The following KLHL23 variants were observed in gnomAD, a reference collection of about 807,000 sequenced individuals.
KLHL23 encodes the protein kelch-like protein 23.
KLHL23 carries 33 observed loss-of-function variants against 48.9 expected under a neutral mutation model. The ratio of observed to expected loss-of-function variants is 0.67; its 90% confidence interval spans 0.51 to 0.90. The LOEUF (loss-of-function observed/expected upper bound fraction) is 0.90. KLHL23 is among the 40% of genes least tolerant of loss of function. KLHL23 has a pLI of 0.00. For missense variants in KLHL23, 608 were observed against 669.6 expected, an observed-to-expected ratio of 0.91 and a Z score of 1.02; for synonymous variants, 234 against 231.6, an observed-to-expected ratio of 1.01 and a Z score of -0.09.
chr2:169,734,223 A>G (rs1295356765), intron 1 of KLHL23, 136 bp downstream of exon 1: 1 of 141,954 alleles, frequency 7.0e-6, no homozygotes, highest in Non-Finnish European at 1.6e-5. Flanking sequence ...AGCGCAGACA[A>G]TGGCCGCGCG....
At chr2:169,748,487 A>G (rs986473814) in intron 3 of KLHL23, among the ~76,000 whole-genome samples, 2 of 152,186 alleles carry the variant, frequency 1.3e-5, no homozygotes, top group Non-Finnish European at 2.9e-5. Context: ...GCTAGGAGTG[A>G]CGATAAAAGC....
At position 169,750,791 on chromosome 2, in the gene KLHL23, T is replaced by C. The variant is rs767342459; in HGVS notation, c.*1059T>C. On this transcript the variant is annotated 3_prime_UTR_variant, in exon 4 of 4. Coordinates refer to ENST00000392647, the MANE Select transcript of KLHL23 (RefSeq NM_144711.6). Reference sequence around the variant, plus strand: ...TTTATGCTAAGAACTGTTTTTAATTTTCAGCTTTGATGTAAATTGCTAGCT... The same window carrying C: ...TTTATGCTAAGAACTGTTTTTAATTCTCAGCTTTGATGTAAATTGCTAGCT... The C allele has an allele frequency of 1.3e-5, 2 of 152,234 alleles. No homozygotes were observed. Among genetic ancestry groups the C allele is most frequent in the Non-Finnish European group, 2.9e-5 (2 of 68,046 alleles). 9.4% of individuals were successfully genotyped at this position (152,234 alleles called of 1,614,324 possible). A position where few individuals can be genotyped will look rare whatever the true frequency, so the allele number is the denominator to read the frequency against.
rs758036460 is a variant in KLHL23, at chr2:169,735,415, T to TGG, written c.402_403dup (p.Asp135GlyfsTer21). The stretch of plus-strand genomic sequence containing the variant: ...TGTGAGCGGTTTTTGGTAAGGCACT[T>TGG]GGATATTGATAATTGTATTGGAATG... On this transcript the variant is annotated frameshift_variant, in exon 2 of 4. Transcript: ENST00000392647. LOFTEE classifies it high-confidence loss of function. This position sits in a 1 kb window ranked among gnomAD's most constrained non-coding sequence, Gnocchi z 4.5. 3.1e-6 allele frequency: 5 copies of TGG among 1,613,760 alleles called. No homozygotes were observed. The highest frequency in any genetic ancestry group is 4.2e-6 in the Non-Finnish European group (5 of 1,180,014).
At chr2:169,740,569 C>T (rs1688648750) in intron 2 of KLHL23, among the ~76,000 whole-genome samples, 2 of 150,920 alleles carry the variant, frequency 1.3e-5, no homozygotes, top group African/African-American at 4.9e-5. Context: ...CTGCCTCAGC[C>T]TCCCGAGTAG....
chr2:169,747,511 A>T (rs1688824164), intron 3 of KLHL23, among the ~76,000 whole-genome samples: 1 of 146,944 alleles, frequency 6.8e-6, no homozygotes, highest in Non-Finnish European at 1.5e-5. Context: ...CGTGTTGCCC[A>T]GACTAGCCTT....
At chr2:169,745,859 G>T (rs1385434233) in intron 3 of KLHL23, among the ~76,000 whole-genome samples, 1 of 152,222 alleles carries the variant, frequency 6.6e-6, no homozygotes, top group East Asian at 1.9e-4. Flanking sequence ...ATAGTTTAGA[G>T]CAAAGGAATC....
At position 169,735,710 on chromosome 2, in the gene KLHL23, A is replaced by G. The variant is rs1171001348; in HGVS notation, c.696A>G (p.Pro232=). ...GCTATATCAACATTGATATAGATCC[A>G]GTGTACTTAAAAACAGCCTTAGGCC... is the stretch of plus-strand genomic sequence containing the variant. The part of the protein sequence containing the change: ...LLSYINIDID[P]VYLKTALGLQ... Residue 232 remains proline (P), a synonymous_variant, in exon 2 of 4, where the codon CCA becomes CCG. Transcript: ENST00000392647. This position sits in a 1 kb window ranked among gnomAD's most constrained non-coding sequence, Gnocchi z 4.5. 3 of 1,613,930 alleles carry G rather than the reference A, an allele frequency of 1.9e-6. No homozygotes were observed. The highest frequency in any genetic ancestry group is 1.7e-5 in the Admixed American group (1 of 60,012).
intron 3 of KLHL23, among the ~76,000 whole-genome samples, chr2:169,746,059 C>T (rs992584889): frequency 5.3e-5 from 8 of 152,106 alleles, no homozygotes; most frequent in South Asian, 2.1e-4. Flanking sequence ...TCCTAGGAAA[C>T]GGGCAGAGTT....
intron 2 of KLHL23, among the ~76,000 whole-genome samples, chr2:169,738,331 C>G (rs924179411): frequency 4.6e-5 from 7 of 151,636 alleles, no homozygotes; most frequent in Non-Finnish European, 7.4e-5. Flanking sequence ...GGTCTTGAAC[C>G]CCTGGCCTCA....
intron 2 of KLHL23, 56 bp from the exon 3 acceptor site, chr2:169,741,329 C>G: frequency 6.4e-7 from 1 of 1,553,086 alleles, no homozygotes; most frequent in Non-Finnish European, 8.7e-7. Context: ...GCCCAGGGTT[C>G]ACTGCAAAAA....
chr2:169,737,541 A>G (rs779201038), intron 2 of KLHL23, among the ~76,000 whole-genome samples: 6 of 152,066 alleles, frequency 3.9e-5, no homozygotes, highest in African/African-American at 1.4e-4. Context: ...ACTAGCATAC[A>G]TTTCTGATTC....
chr2:169,741,861 A>G (rs998055959), intron 3 of KLHL23, among the ~76,000 whole-genome samples: 2 of 152,190 alleles, frequency 1.3e-5, no homozygotes, highest in Admixed American at 1.3e-4. Flanking sequence ...ATAAAATACA[A>G]TGTTCATAAG....
rs377386748 is a variant in KLHL23 at position 169,736,167 on chromosome 2, G to A, written c.1153G>A (p.Glu385Lys). The A allele has an allele frequency of 1.4e-5, 23 of 1,613,966 alleles. No homozygotes were observed. Among genetic ancestry groups the A allele is most frequent in the Non-Finnish European group, 1.8e-5 (21 of 1,180,024 alleles). The change falls in exon 2 of 4, where the codon GAG becomes AAG. Residue 385 changes from glutamate (E) to lysine (K), a missense_variant. Glu to Lys is a moderately conservative substitution (Grantham distance 56, BLOSUM62 1). This residue lies in a region of KLHL23 where 419 missense variants were observed against 473.1 expected (regional missense o/e 0.89). Coordinates refer to ENST00000392647, the MANE Select transcript of KLHL23 (RefSeq NM_144711.6). ...GGYRKGAPAE[E>K]AEFYDPLKEK... ...TTACAGAAAAGGGGCTCCAGCAGAA[G>A]AGGCTGAGTTCTATGATCCTTTAAA...
chr2:169,746,743 A>T (rs78843689), intron 3 of KLHL23, among the ~76,000 whole-genome samples: 9,140 of 152,318 alleles, frequency 0.06, 366 homozygotes, highest in Middle Eastern at 0.13. Context: ...AGGAAGACAG[A>T]TGGCTTTCTT....
chr2:169,740,765 A>ATTTTAT (rs367566807), intron 2 of KLHL23, among the ~76,000 whole-genome samples: 1 of 95,550 alleles, frequency 1.0e-5, no homozygotes, highest in African/African-American at 5.9e-5. Context: ...GCTTTTTTAT[A>ATTTTAT]TTATATATAT....
At position 169,751,379 on chromosome 2, in the gene KLHL23, CATTT is replaced by C. The variant is rs1469453307; in HGVS notation, c.*1652_*1655del. Reference sequence around the variant, plus strand: ...AAAATTTAGAAGGAAAATTTTAATGCATTTATTTCAGATGGCGTTTTAAATAGAT... The same window carrying C: ...AAAATTTAGAAGGAAAATTTTAATGCATTTCAGATGGCGTTTTAAATAGAT... On this transcript the variant is annotated 3_prime_UTR_variant, in exon 4 of 4. Transcript: ENST00000392647. The C allele has an allele frequency of 6.6e-5, 10 of 152,124 alleles. No homozygotes were observed. Among genetic ancestry groups the C allele is most frequent in the African/African-American group, 1.9e-4 (8 of 41,408 alleles). The allele number at this position is 152,124 out of a possible 1,614,324, so 9.4% of individuals were successfully genotyped here. A position where few individuals can be genotyped will look rare whatever the true frequency, so the allele number is the denominator to read the frequency against.
In KLHL23 at chr2:169,750,082, A is replaced by ATACATATATGTGTATACATACGTG. The variant is rs1688930239; in HGVS notation, c.*351_*352insACATATATGTGTATACATACGTGT. 6.5e-6 allele frequency: 1 copy of ATACATATATGTGTATACATACGTG among 154,470 alleles called. No homozygotes were observed. The highest frequency in any genetic ancestry group is 1.4e-5 in the Non-Finnish European group (1 of 69,446). 9.6% of individuals were successfully genotyped at this position (154,470 alleles called of 1,614,324 possible). ...CATGTATGTGTATATATACGTATGTATGTATACATATATGTGTATACATAT... is the reference window on the plus strand; with the variant it reads ...CATGTATGTGTATATATACGTATGTATACATATATGTGTATACATACGTGTGTATACATATATGTGTATACATAT... On this transcript the variant is annotated 3_prime_UTR_variant, in exon 4 of 4. Coordinates refer to ENST00000392647, the MANE Select transcript of KLHL23 (RefSeq NM_144711.6).
At position 169,750,554 on chromosome 2, in the gene KLHL23, C is replaced by A. The variant is rs10188787; in HGVS notation, c.*822C>A. On this transcript the variant is annotated 3_prime_UTR_variant, in exon 4 of 4. Coordinates refer to ENST00000392647, the MANE Select transcript of KLHL23 (RefSeq NM_144711.6). ...TCTTCTCTACCTCTACAAAATCAAC[C>A]CTTAACACTTTTTTCACCTTCAGAA... is the stretch of plus-strand genomic sequence containing the variant. 142,272 of 151,962 alleles carry A rather than the reference C, an allele frequency of 0.94. 66,670 individuals are homozygous for A. Among genetic ancestry groups the A allele is most frequent in the Admixed American group, 0.95 (14,577 of 15,274 alleles). 9.4% of individuals were successfully genotyped at this position (151,962 alleles called of 1,614,324 possible).
rs1558945313 is a variant in KLHL23, at chr2:169,736,132, C to CT, written c.1121dup (p.Leu374PhefsTer14). The CT allele has an allele frequency of 1.9e-6, 3 of 1,614,112 alleles. No individual in the cohort carries two copies. The highest frequency in any genetic ancestry group is 2.5e-6 in the Non-Finnish European group (3 of 1,180,002). On this transcript the variant is annotated frameshift_variant, in exon 2 of 4. Coordinates refer to ENST00000392647, the MANE Select transcript of KLHL23 (RefSeq NM_144711.6). LOFTEE classifies it high-confidence loss of function. ...GTCACCTTGGGTGGCTGTGTCTATG[C>CT]TTTAGGTGGTTACAGAAAAGGGGCT...
Sources: gnomAD v4.1 joint callset for allele counts (sites outside exome capture counted in the v4.1 genomes callset) on GRCh38, gnomAD v4.1.1 for gene constraint, gnomAD v4.1.1 regional missense constraint, Gnocchi (gnomAD v3.1) non-coding constraint, MANE v1.5 for transcripts, NCBI Gene and HGNC (gene_info 2026-07-23, HGNC 2026-07-21) for gene names.